CADPS2: variants seen among roughly 807,000 people sequenced by gnomAD.
The protein encoded by CADPS2 is calcium dependent secretion activator 2, also known as calcium-dependent secretion activator 2.
A neutral mutation model predicts 172.5 loss-of-function variants in CADPS2; 93 were observed. That is an observed-to-expected ratio of 0.54 (90% CI 0.46 to 0.64). CADPS2 has a LOEUF of 0.64. Ranked by LOEUF, CADPS2 falls within the 30% of genes least tolerant of loss-of-function variation. The probability of loss-of-function intolerance (pLI) is 0.00; values close to 1 mark genes in which losing one functional copy is unlikely to be tolerated. For synonymous variants in CADPS2, 546 were observed against 555.2 expected (o/e 0.98, Z 0.23); for missense variants, 1,420 against 1,565.9 (o/e 0.91, Z 1.57).
intron 2 of CADPS2, among the ~76,000 whole-genome samples, chr7:122,681,130 A>G: frequency 9.0e-6 from 1 of 111,286 alleles, no homozygotes; most frequent in Non-Finnish European, 1.7e-5. Flanking sequence ...GGACTGTTGT[A>G]GGGTGGGGGG....
intron 24 of CADPS2, among the ~76,000 whole-genome samples, chr7:122,380,430 T>C (rs890228248): frequency 6.6e-6 from 1 of 152,098 alleles, no homozygotes; most frequent in African/African-American, 2.4e-5. Context: ...TCACTGCTGG[T>C]TGAATGGTTT....
chr7:122,544,650 T>G (rs1003263010), intron 8 of CADPS2, among the ~76,000 whole-genome samples: 1 of 152,132 alleles, frequency 6.6e-6, no homozygotes, highest in African/African-American at 2.4e-5. Flanking sequence ...CTAGCCCATG[T>G]GTGTCCTCAT....
At chr7:122,626,640 G>T (rs1417001122) in intron 4 of CADPS2, among the ~76,000 whole-genome samples, 1 of 152,098 alleles carries the variant, frequency 6.6e-6, no homozygotes, top group Non-Finnish European at 1.5e-5. Context: ...TCCTTATTGT[G>T]GGGCTATCGC....
chr7:122,720,167 A>G (rs2090190476), intron 2 of CADPS2, among the ~76,000 whole-genome samples: 1 of 152,098 alleles, frequency 6.6e-6, no homozygotes, highest in South Asian at 2.1e-4. Flanking sequence ...AATCAGACCT[A>G]ACGAGTCATT....
intron 20 of CADPS2, among the ~76,000 whole-genome samples, chr7:122,406,639 C>T (rs1051077269): frequency 4.6e-5 from 7 of 152,102 alleles, no homozygotes; most frequent in East Asian, 3.9e-4. Context: ...AAAACCCTAT[C>T]GTGAGACAGA....
intron 29 of CADPS2, among the ~76,000 whole-genome samples, chr7:122,321,238 C>T (rs1393726098): frequency 1.3e-5 from 2 of 152,164 alleles, no homozygotes; most frequent in African/African-American, 4.8e-5. Flanking sequence ...GTGATCATTG[C>T]TTACTGCAGC....
At chr7:122,489,634 CA>C in intron 11 of CADPS2, among the ~76,000 whole-genome samples, 1 of 151,934 alleles carries the variant, frequency 6.6e-6, no homozygotes, top group African/African-American at 2.4e-5. Context: ...CAATCTACAA[CA>C]AAAAAATAGA....
chr7:122,590,686 T>G (rs553236696), intron 6 of CADPS2, among the ~76,000 whole-genome samples: 23 of 151,872 alleles, frequency 1.5e-4, no homozygotes, highest in African/African-American at 5.5e-4. Flanking sequence ...AAAAATGTCA[T>G]CCTAACAGAT....
intron 5 of CADPS2, among the ~76,000 whole-genome samples, chr7:122,618,043 C>CAA (rs35600638): frequency 0.037 from 5,354 of 145,522 alleles, 120 homozygotes; most frequent in South Asian, 0.1. Context: ...GATTCCATCT[C>CAA]AAAAAAAAAA....
chr7:122,442,424 C>T lies in CADPS2; in HGVS notation c.2289-849G>A, dbSNP rs973935299. Among the ~76,000 whole-genome samples, 16 of 152,168 alleles carry T rather than the reference C, an allele frequency of 1.1e-4. No homozygotes were observed. In the South Asian group the frequency reaches 1.7e-3, roughly 16 times the overall value. On this transcript the variant is annotated intron_variant, in intron 15 of 29. Coordinates refer to ENST00000449022, the MANE Select transcript of CADPS2 (RefSeq NM_017954.11). Reference sequence around the variant, plus strand: ...CCACCTCAGGATCAAGTGCTACAGGCAGCTGGGCTGTACTTAGGATGGCAC... The same window carrying T: ...CCACCTCAGGATCAAGTGCTACAGGTAGCTGGGCTGTACTTAGGATGGCAC...
intron 1 of CADPS2, among the ~76,000 whole-genome samples, chr7:122,863,239 G>A (rs1257778341): frequency 2.6e-5 from 4 of 152,000 alleles, no homozygotes; most frequent in East Asian, 1.9e-4. Flanking sequence ...ACATATCTGC[G>A]AAAACTTGCT....
rs536504549 is a variant in CADPS2, at chr7:122,487,101, C to T, written c.1852+2980G>A. ...CGCTATTTCACTGCAACCTCCACCC[C>T]TCGGGTTCAAGCAGTTCTCCTACTT... On this transcript the variant is annotated intron_variant, in intron 11 of 29. Transcript: ENST00000449022. Among the ~76,000 whole-genome samples, 28 of 151,294 alleles carry T rather than the reference C, an allele frequency of 1.9e-4. No homozygotes were observed. In the East Asian group the frequency reaches 5.1e-3, roughly 27 times the overall value.
intron 1 of CADPS2, among the ~76,000 whole-genome samples, chr7:122,862,354 G>C (rs1817161922): frequency 6.6e-6 from 1 of 152,148 alleles, no homozygotes; most frequent in Non-Finnish European, 1.5e-5. Flanking sequence ...ATTCTCTTTT[G>C]GTTTCCCTTT....
chr7:122,737,759 T>A (rs1445343501), intron 1 of CADPS2, among the ~76,000 whole-genome samples: 1 of 152,010 alleles, frequency 6.6e-6, no homozygotes, highest in East Asian at 1.9e-4. Context: ...ATTAATAATA[T>A]TATACAAAAT....
chr7:122,393,436 C>A lies in CADPS2; in HGVS notation c.2888+5G>T. 1 of 1,613,720 alleles carries A rather than the reference C, an allele frequency of 6.2e-7. No individual in the cohort carries two copies. The highest frequency in any genetic ancestry group is 8.5e-7 in the Non-Finnish European group (1 of 1,179,768). ...TGCTCTACGGACACTAGGTAAGATA[C>A]CTACTTGACAGGCTGCCATGTCTCC... is the stretch of plus-strand genomic sequence containing the variant. On this transcript the variant is annotated splice_donor_5th_base_variant and intron_variant, in intron 21 of 29. Coordinates refer to ENST00000449022, the MANE Select transcript of CADPS2 (RefSeq NM_017954.11).
At chr7:122,389,774 T>C (rs761944780) in intron 22 of CADPS2, among the ~76,000 whole-genome samples, 1 of 152,198 alleles carries the variant, frequency 6.6e-6, no homozygotes, top group South Asian at 2.1e-4. Context: ...ACTTAAAATT[T>C]ATATTTCTAG....
At chr7:122,799,374 T>G (rs1056907531) in intron 1 of CADPS2, among the ~76,000 whole-genome samples, 1 of 151,484 alleles carries the variant, frequency 6.6e-6, no homozygotes, top group Non-Finnish European at 1.5e-5. Context: ...CCAAGGCGGG[T>G]GGATCACGAG....
intron 1 of CADPS2, among the ~76,000 whole-genome samples, chr7:122,842,383 T>G (rs140857000): frequency 3.9e-5 from 6 of 152,336 alleles, no homozygotes; most frequent in African/African-American, 1.4e-4. Context: ...ATGAACGCTT[T>G]CTGCCCAATT....
chr7:122,572,271 G>A (rs1587447742), intron 7 of CADPS2, among the ~76,000 whole-genome samples: 1 of 152,020 alleles, frequency 6.6e-6, no homozygotes, highest in African/African-American at 2.4e-5. Context: ...TTTTATATTT[G>A]TGGTACAACT....
Sources: allele counts gnomAD v4.1 joint callset (sites outside exome capture counted in the v4.1 genomes callset), GRCh38; gene constraint gnomAD v4.1.1; transcripts MANE v1.5; gene names NCBI Gene and HGNC (gene_info 2026-07-23, HGNC 2026-07-21).